Variants in HPX observed in about 807,000 individuals in gnomAD.
The protein encoded by HPX is hemopexin.
In HPX, 42 loss-of-function variants were observed where a neutral mutation model predicts 53.8. That is an observed-to-expected ratio of 0.78 (90% confidence interval 0.61 to 1.01). The LOEUF is 1.01. Among genes scored for constraint, HPX ranks in the 50% least tolerant of loss-of-function variants. The pLI, the probability that HPX is intolerant of heterozygous loss-of-function variation, is 0.00. For missense variants in HPX, 547 were observed against 594.3 expected (o/e 0.92, Z 0.83); for synonymous variants, 229 against 221.1 (o/e 1.04, Z -0.32).
intron 7 of HPX, 91 bp downstream of exon 7, chr11:6,436,955 C>T: frequency 1.4e-6 from 2 of 1,410,038 alleles, no homozygotes; most frequent in Non-Finnish European, 2.0e-6. Context: ...ATAAGTGACA[C>T]AGTGATGACA....
intron 4 of HPX, 199 bp downstream of exon 4, chr11:6,439,966 C>T (rs1229369424): frequency 9.2e-6 from 6 of 652,928 alleles, no homozygotes; most frequent in Non-Finnish European, 1.7e-5. Flanking sequence ...GACTGAAGAA[C>T]AGCCACTGGA....
chr11:6,440,731 C>T lies in HPX; in HGVS notation c.84-1G>A. The T allele has an allele frequency of 1.2e-6, 2 of 1,613,800 alleles. No individual in the cohort carries two copies. Among genetic ancestry groups the T allele is most frequent in the Non-Finnish European group, 1.7e-6 (2 of 1,179,736 alleles). ...AGCAACATTCCCATGGGCACTAGTC[C>T]TAGGGAGAACAAAATAGATATCTTG... On this transcript the variant is annotated splice_acceptor_variant, in intron 1 of 9. Transcript: ENST00000265983. LOFTEE classifies it high-confidence loss of function.
chr11:6,436,925 A>T (rs781487894), intron 7 of HPX, 121 bp downstream of exon 7: 2 of 1,089,334 alleles, frequency 1.8e-6, no homozygotes, highest in Non-Finnish European at 2.7e-6. Context: ...ATGCAGAAGG[A>T]TGGGGACAGA....
intron 7 of HPX, among the ~76,000 whole-genome samples, chr11:6,434,894 C>T (rs1849395358): frequency 2.0e-5 from 3 of 152,048 alleles, no homozygotes; most frequent in African/African-American, 7.2e-5. Flanking sequence ...TGATGGTCCA[C>T]GTGCAAGCCA....
chr11:6,431,339 T>A lies in HPX; in HGVS notation c.1261A>T (p.Asn421Tyr). ...KSLGPNSCSANGPGLYLIHGP... is the reference protein window; with the variant it reads ...KSLGPNSCSAYGPGLYLIHGP... ...TGGATGAGGTACAAGCCGGGACCAT[T>A]GGCGGAACATGAGTTAGGGCCAAGG... Residue 421 changes from asparagine (N) to tyrosine (Y), a missense_variant, in exon 10 of 10, where the codon AAT becomes TAT. By Grantham distance (143) the Asn-to-Tyr change is moderately radical. Transcript: ENST00000265983. 6.2e-7 allele frequency: 1 copy of A among 1,614,240 alleles called. No homozygotes were observed. The highest frequency in any genetic ancestry group is 8.5e-7 in the Non-Finnish European group (1 of 1,180,044).
chr11:6,438,286 T>A, intron 5 of HPX, 70 bp downstream of exon 5: 1 of 1,481,380 alleles, frequency 6.8e-7, no homozygotes. Context: ...ACTACCACTA[T>A]CACCATCACT....
chr11:6,440,738 G>A lies in HPX; in HGVS notation c.84-8C>T. On this transcript the variant is annotated splice_polypyrimidine_tract_variant and splice_region_variant and intron_variant, in intron 1 of 9. Coordinates refer to ENST00000265983, the MANE Select transcript of HPX (RefSeq NM_000613.3). ...TTCCCATGGGCACTAGTCCTAGGGA[G>A]AACAAAATAGATATCTTGATCCATT... The A allele has an allele frequency of 1.2e-6, 2 of 1,612,716 alleles. No homozygotes were observed. The highest frequency in any genetic ancestry group is 1.1e-5 in the South Asian group (1 of 91,050).
chr11:6,432,046 C>A (rs748071661), intron 7 of HPX, 29 bp from the exon 8 acceptor site: 4 of 1,613,180 alleles, frequency 2.5e-6, no homozygotes, highest in Non-Finnish European at 3.4e-6. Context: ...TGCTCTAGGG[C>A]CGCTGGCAGA....
At chr11:6,434,020 C>G (rs1849383355) in intron 7 of HPX, among the ~76,000 whole-genome samples, 1 of 152,188 alleles carries the variant, frequency 6.6e-6, no homozygotes, top group Admixed American at 6.5e-5. Flanking sequence ...TCTTTACAAC[C>G]CTTAATATTA....
chr11:6,432,316 G>A (rs1590803215), intron 7 of HPX: 1 of 436,756 alleles, frequency 2.3e-6, no homozygotes, highest in Non-Finnish European at 4.2e-6. Flanking sequence ...AGGATTTCAG[G>A]TGTCCATGTA....
At chr11:6,437,340 C>G in intron 6 of HPX, 100 bp downstream of exon 6, 1 of 1,377,048 alleles carries the variant, frequency 7.3e-7, no homozygotes. Context: ...GCCAAGGTGT[C>G]GCAACACGGA....
chr11:6,439,107 G>A (rs1849453524), intron 4 of HPX, among the ~76,000 whole-genome samples: 1 of 152,132 alleles, frequency 6.6e-6, no homozygotes, highest in Non-Finnish European at 1.5e-5. Flanking sequence ...GAAGCATTGG[G>A]CCCAAGAGCT....
chr11:6,435,533 C>T (rs562773311), intron 7 of HPX, among the ~76,000 whole-genome samples: 1 of 152,040 alleles, frequency 6.6e-6, no homozygotes, highest in Admixed American at 6.6e-5. Context: ...AGCACGATCA[C>T]GGCTCACTGA....
Position 6,431,322 on chromosome 11 carries a change from G to A in HPX, c.1278C>T (p.Tyr426=). The A allele has an allele frequency of 1.9e-6, 3 of 1,614,222 alleles. No individual in the cohort carries two copies. Among genetic ancestry groups the A allele is most frequent in the Non-Finnish European group, 2.5e-6 (3 of 1,180,050 alleles). The change falls in exon 10 of 10, where the codon TAC becomes TAT. Residue 426 remains tyrosine (Y), a synonymous_variant. Coordinates refer to ENST00000265983, the MANE Select transcript of HPX (RefSeq NM_000613.3). The part of the protein sequence containing the change: ...NSCSANGPGL[Y]LIHGPNLYCY... Reference sequence around the variant, plus strand: ...AGTACAAATTGGGACCATGGATGAGGTACAAGCCGGGACCATTGGCGGAAC... The same window carrying A: ...AGTACAAATTGGGACCATGGATGAGATACAAGCCGGGACCATTGGCGGAAC...
chr11:6,440,346 C>G lies in HPX; in HGVS notation c.215-60G>C, dbSNP rs1407993022. ...AGAAACCTTTGACCTACTGAGATAG[C>G]TTGAGAGAAGCTGTCAGTGATACCA... is the stretch of plus-strand genomic sequence containing the variant. On this transcript the variant is annotated intron_variant, in intron 3 of 9. Coordinates refer to ENST00000265983, the MANE Select transcript of HPX (RefSeq NM_000613.3). 3.7e-6 allele frequency: 6 copies of G among 1,608,120 alleles called. No individual in the cohort carries two copies. In the African/African-American group the frequency reaches 6.7e-5, roughly 18 times the overall value.
In HPX at chr11:6,440,217, C is replaced by G; in HGVS notation, c.284G>C (p.Ser95Thr). ...LISERWKNFP[S>T]PVDAAFRQGH... ...TTGACGGAATGCAGCATCCACAGGGCTGGGGAAATTCTTCCATCTCTCTGA... is the reference window on the plus strand; with the variant it reads ...TTGACGGAATGCAGCATCCACAGGGGTGGGGAAATTCTTCCATCTCTCTGA... Residue 95 changes from serine (S) to threonine (T), a missense_variant, in exon 4 of 10, where the codon AGC (serine) becomes ACC (threonine). Transcript: ENST00000265983. The G allele has an allele frequency of 6.2e-7, 1 of 1,614,102 alleles. No homozygotes were observed. The highest frequency in any genetic ancestry group is 1.3e-5 in the African/African-American group (1 of 75,008).
chr11:6,438,275 C>T, intron 5 of HPX, 81 bp downstream of exon 5: 1 of 1,403,662 alleles, frequency 7.1e-7, no homozygotes, highest in Non-Finnish European at 9.9e-7. Context: ...CCACCACCAT[C>T]ACTACCACTA....
chr11:6,434,988 GGAGGCC>G (rs1454551328), intron 7 of HPX, among the ~76,000 whole-genome samples: 1 of 152,114 alleles, frequency 6.6e-6, no homozygotes, highest in Non-Finnish European at 1.5e-5. Context: ...TAGCACTTTG[GGAGGCC>G]GAGGCAGGCG....
In HPX at chr11:6,431,408, A is replaced by G; in HGVS notation, c.1192T>C (p.Trp398Arg). 1 of 1,614,242 alleles carries G rather than the reference A, an allele frequency of 6.2e-7. No individual in the cohort carries two copies. The highest frequency in any genetic ancestry group is 8.5e-7 in the Non-Finnish European group (1 of 1,180,038). Residue 398 changes from tryptophan (W) to arginine (R), a missense_variant, in exon 10 of 10, where the codon TGG becomes CGG. Trp to Arg is a moderately radical substitution (Grantham distance 101, BLOSUM62 -3). Coordinates refer to ENST00000265983, the MANE Select transcript of HPX (RefSeq NM_000613.3). ...GCTCCGTCTACCTTCTCATGGGGCC[A>G]AGGAAGCTCTGTCCACGTGGCTTGG... ...GAQATWTELP[W>R]PHEKVDGALC...
Sources: gnomAD v4.1 joint callset for allele counts (sites outside exome capture counted in the v4.1 genomes callset) on GRCh38, gnomAD v4.1.1 for gene constraint, MANE v1.5 for transcripts, NCBI Gene and HGNC (gene_info 2026-07-23, HGNC 2026-07-21) for gene names.